The following BRWD3 variants were observed in gnomAD, a reference collection of about 807,000 sequenced individuals.
The protein encoded by BRWD3 is bromodomain and WD repeat-containing protein 3.
BRWD3 carries 10 observed loss-of-function variants against 149.7 expected under a neutral mutation model. That is an observed-to-expected ratio of 0.07 (90% CI 0.04 to 0.11). The LOEUF is 0.11. BRWD3 is among the 10% of genes least tolerant of loss of function. The pLI is 1.00. For missense variants in BRWD3, 940 were observed against 1,373.2 expected (o/e 0.68, Z 4.99); for synonymous variants, 504 against 456.7 (o/e 1.10, Z -1.32).
At chrX:80,742,110 G>A (rs1179894971) in intron 8 of BRWD3, among the ~76,000 whole-genome samples, 15 of 111,228 alleles carry the variant, frequency 1.3e-4, no homozygotes, top group Non-Finnish European at 2.6e-4. Flanking sequence ...AAGGGATCCA[G>A]CTTCAGCTTT....
At chrX:80,740,920 T>A (rs1197737836) in intron 8 of BRWD3, among the ~76,000 whole-genome samples, 2 of 111,850 alleles carry the variant, frequency 1.8e-5, no homozygotes, top group African/African-American at 6.5e-5. Flanking sequence ...ATTCTTTTTT[T>A]AAATTATACT....
intron 27 of BRWD3, 64 bp from the exon 28 acceptor site, chrX:80,693,115 A>T: frequency 1.1e-6 from 1 of 891,833 alleles, no homozygotes; most frequent in Non-Finnish European, 1.7e-6. Context: ...CCCACTCTAA[A>T]TTACTACTTT....
At chrX:80,803,342 C>T (rs1392201124) in intron 4 of BRWD3, among the ~76,000 whole-genome samples, 1 of 111,419 alleles carries the variant, frequency 9.0e-6, no homozygotes, top group African/African-American at 3.3e-5. Context: ...TTCACTGAAT[C>T]CAAAGTATTA....
chrX:80,805,660 G>T (rs781313060), intron 4 of BRWD3, among the ~76,000 whole-genome samples: 1 of 112,155 alleles, frequency 8.9e-6, no homozygotes, highest in South Asian at 3.7e-4. Context: ...CCCAGGCCGG[G>T]CGCGGTGGCT....
chrX:80,717,887 A>G, intron 18 of BRWD3, 128 bp from the exon 19 acceptor site: 3 of 577,543 alleles, frequency 5.2e-6, no homozygotes, highest in Non-Finnish European at 8.6e-6. Flanking sequence ...CCTTTGTTCT[A>G]TATTTTCTGT....
At chrX:80,709,035 G>A (rs75761213) in intron 21 of BRWD3, among the ~76,000 whole-genome samples, 1 of 111,628 alleles carries the variant, frequency 9.0e-6, no homozygotes, top group East Asian at 2.8e-4. Flanking sequence ...TCTATGAGGG[G>A]TGAAGTCAAT....
intron 4 of BRWD3, among the ~76,000 whole-genome samples, chrX:80,804,360 C>T (rs923800985): frequency 9.1e-6 from 1 of 109,975 alleles, no homozygotes; most frequent in Non-Finnish European, 1.9e-5. Flanking sequence ...GCCTCAGCCT[C>T]CTGAGTAGCT....
intron 27 of BRWD3, among the ~76,000 whole-genome samples, chrX:80,693,597 A>C (rs781690599): frequency 1.8e-5 from 2 of 111,739 alleles, no homozygotes; most frequent in African/African-American, 3.3e-5. Context: ...ATTGGGAACT[A>C]GAGTAAAGGT....
chrX:80,762,301 A>C (rs2073811858), intron 6 of BRWD3, among the ~76,000 whole-genome samples: 1 of 111,943 alleles, frequency 8.9e-6, no homozygotes. Context: ...TTTACATATA[A>C]CAAAACTAAG....
intron 12 of BRWD3, among the ~76,000 whole-genome samples, chrX:80,731,710 C>T (rs1174984706): frequency 4.6e-5 from 5 of 108,787 alleles, no homozygotes; most frequent in Admixed American, 3.0e-4. Flanking sequence ...CTGGCTAACA[C>T]GGTGAAACCC....
At chrX:80,702,923 T>C (rs1241848039) in intron 24 of BRWD3, among the ~76,000 whole-genome samples, 1 of 111,721 alleles carries the variant, frequency 9.0e-6, no homozygotes, top group African/African-American at 3.2e-5. Context: ...AATGTTCCAA[T>C]GTTACGATAA....
chrX:80,724,146 T>C (rs1354288547), intron 15 of BRWD3, among the ~76,000 whole-genome samples: 1 of 111,618 alleles, frequency 9.0e-6, no homozygotes. Flanking sequence ...AAAAAAGAAC[T>C]AAATGCAATC....
intron 4 of BRWD3, 83 bp downstream of exon 4, chrX:80,808,456 G>C: frequency 1.3e-6 from 1 of 766,738 alleles, no homozygotes; most frequent in Non-Finnish European, 2.0e-6. Context: ...CGTCGGCTGA[G>C]AGGTGGGGGG....
chrX:80,710,584 A>G lies in BRWD3; in HGVS notation c.2326-1007T>C, dbSNP rs2072949172. The G allele has an allele frequency of 1.9e-5, 9 of 472,587 alleles. No individual in the cohort carries two copies. The South Asian group carries it at 2.1e-4, about 11-fold the overall frequency. 38.9% of individuals were successfully genotyped at this position (472,587 alleles called of 1,213,427 possible). A position where few individuals can be genotyped will look rare whatever the true frequency, so the allele number is the denominator to read the frequency against. ...GGTAATAATTTGGAGTTTACAATCT[A>G]TCATGATGATGATGATGTGTCTCCA... On this transcript the variant is annotated intron_variant, in intron 20 of 40. Transcript: ENST00000373275.
intron 37 of BRWD3, among the ~76,000 whole-genome samples, chrX:80,682,855 T>C (rs1169643379): frequency 1.8e-5 from 2 of 111,532 alleles, no homozygotes; most frequent in Non-Finnish European, 3.8e-5. Context: ...TCTGATACAA[T>C]GCAAGAGAGA....
intron 6 of BRWD3, among the ~76,000 whole-genome samples, chrX:80,755,682 A>C (rs2147805922): frequency 8.9e-6 from 1 of 112,001 alleles, no homozygotes; most frequent in Non-Finnish European, 1.9e-5. Flanking sequence ...TATATAAAAT[A>C]TTTAAAGTAG....
chrX:80,776,435 A>G (rs1455511998), intron 6 of BRWD3, among the ~76,000 whole-genome samples: 1 of 112,606 alleles, frequency 8.9e-6, no homozygotes, highest in African/African-American at 3.2e-5. Context: ...AACATTCAGG[A>G]AAGTCCTTAA....
At chrX:80,750,619 A>G (rs1029283287) in intron 6 of BRWD3, among the ~76,000 whole-genome samples, 1 of 111,514 alleles carries the variant, frequency 9.0e-6, no homozygotes, top group Non-Finnish European at 1.9e-5. Context: ...AGTCTTGCAT[A>G]CTGTTGGCAG....
At position 80,676,575 on chromosome X, in the gene BRWD3, T is replaced by G. The variant is rs1199080978; in HGVS notation, c.*34A>C. The G allele has an allele frequency of 8.3e-7, 1 of 1,203,268 alleles. No homozygotes were observed. Among genetic ancestry groups the G allele is most frequent in the South Asian group, 1.8e-5 (1 of 56,310 alleles). ...TAAATTCCCTGCAGTAGAAGGCCAT[T>G]GAATTTTTTAAGTTATTCTAAATTT... is the stretch of plus-strand genomic sequence containing the variant. On this transcript the variant is annotated 3_prime_UTR_variant, in exon 41 of 41. Coordinates refer to ENST00000373275, the MANE Select transcript of BRWD3 (RefSeq NM_153252.5).
Sources: gnomAD v4.1 joint callset for allele counts (sites outside exome capture counted in the v4.1 genomes callset) on GRCh38, gnomAD v4.1.1 for gene constraint, MANE v1.5 for transcripts, NCBI Gene and HGNC (gene_info 2026-07-23, HGNC 2026-07-21) for gene names.